KIF1B: variants seen among roughly 807,000 people sequenced by gnomAD.
KIF1B encodes kinesin family member 1B, also known as kinesin-like protein KIF1B.
In KIF1B, 76 loss-of-function variants were observed where a neutral mutation model predicts 241.9. The ratio of observed to expected loss-of-function variants is 0.31; its 90% CI spans 0.26 to 0.38. The LOEUF (loss-of-function observed/expected upper bound fraction) is 0.38, where lower values mean the gene tolerates loss of function less well. Ranked by LOEUF, KIF1B falls within the 10% of genes least tolerant of loss-of-function variation. The pLI, the probability that KIF1B is intolerant of heterozygous loss-of-function variation, is 1.00. For missense variants in KIF1B, 1,622 were observed against 2,271.4 expected (o/e 0.71, Z 5.81); for synonymous variants, 750 against 796.7 (o/e 0.94, Z 0.99).
chr1:10,288,181 A>C (rs1649806239), intron 15 of KIF1B, among the ~76,000 whole-genome samples: 1 of 152,190 alleles, frequency 6.6e-6, no homozygotes, highest in Admixed American at 6.5e-5. Context: ...TTTTTTAAAG[A>C]GGGGCTCACT....
At chr1:10,306,633 AC>A in intron 22 of KIF1B, 1 of 560,124 alleles carries the variant, frequency 1.8e-6, no homozygotes. Flanking sequence ...TTGCATCAGG[AC>A]GGGTGAACCC....
At chr1:10,266,068 G>T (rs924968966) in intron 5 of KIF1B, among the ~76,000 whole-genome samples, 1 of 152,150 alleles carries the variant, frequency 6.6e-6, no homozygotes, top group Non-Finnish European at 1.5e-5. Context: ...GTGGCCTATT[G>T]TGATGAATTT....
chr1:10,328,188 C>T (rs1651792113), intron 27 of KIF1B, among the ~76,000 whole-genome samples: 1 of 152,054 alleles, frequency 6.6e-6, no homozygotes, highest in African/African-American at 2.4e-5. Flanking sequence ...GACCCCAAGT[C>T]TACCAAAAAA....
intron 43 of KIF1B, among the ~76,000 whole-genome samples, chr1:10,367,040 G>A (rs1638596158): frequency 6.6e-6 from 1 of 152,078 alleles, no homozygotes; most frequent in Admixed American, 6.6e-5. Context: ...CACTGAGGAA[G>A]GGAGAATTCT....
chr1:10,263,436 A>G (rs930764933), intron 5 of KIF1B, among the ~76,000 whole-genome samples: 5 of 152,072 alleles, frequency 3.3e-5, no homozygotes, highest in African/African-American at 4.8e-5. Context: ...TCTGTTTTGA[A>G]AAAATAGGCT....
chr1:10,216,895 C>G (rs12032050), intron 1 of KIF1B, among the ~76,000 whole-genome samples: 1 of 145,746 alleles, frequency 6.9e-6, no homozygotes, highest in East Asian at 2.1e-4. Flanking sequence ...TAGCACTGTT[C>G]TAATCTGTAG....
intron 10 of KIF1B, 110 bp from the exon 11 acceptor site, chr1:10,275,318 C>A: frequency 1.4e-6 from 1 of 705,906 alleles, no homozygotes; most frequent in Admixed American, 2.1e-5. Context: ...TCCACAGTGT[C>A]GGGGTTGTAC....
chr1:10,291,223 G>T, intron 16 of KIF1B, 62 bp downstream of exon 16: 2 of 1,127,362 alleles, frequency 1.8e-6, no homozygotes, highest in Non-Finnish European at 2.6e-6. Context: ...TTACTTTATC[G>T]TAAGAAAAGA....
intron 1 of KIF1B, among the ~76,000 whole-genome samples, chr1:10,215,266 T>C (rs1159196588): frequency 1.4e-5 from 2 of 138,584 alleles, no homozygotes; most frequent in African/African-American, 5.4e-5. Context: ...AACCTCCACC[T>C]CCCAGGTTCA....
In KIF1B at chr1:10,380,947, T is replaced by C. The variant is rs1222313755; in HGVS notation, c.*4360T>C. The stretch of plus-strand genomic sequence containing the variant: ...AAAAGGCCATTTATGAAGTTAGTAT[T>C]TGAGCCCCATAAGATCTTTAAAAAG... On this transcript the variant is annotated 3_prime_UTR_variant, in exon 49 of 49. Transcript: ENST00000676179. The C allele has an allele frequency of 9.1e-6, 2 of 220,156 alleles. No homozygotes were observed. The highest frequency in any genetic ancestry group is 1.3e-4 in the East Asian group (2 of 14,914). The allele number at this position is 220,156 out of a possible 1,614,324, so 13.6% of individuals were successfully genotyped here.
chr1:10,275,579 T>A, intron 11 of KIF1B, 76 bp downstream of exon 11: 1 of 877,896 alleles, frequency 1.1e-6, no homozygotes, highest in Non-Finnish European at 2.0e-6. Context: ...CCTGTGTCTG[T>A]TTTGGAGACA....
chr1:10,281,311 G>C (rs1271849134), intron 14 of KIF1B, among the ~76,000 whole-genome samples: 1 of 152,042 alleles, frequency 6.6e-6, no homozygotes, highest in Non-Finnish European at 1.5e-5. Flanking sequence ...TTTACCTTTG[G>C]TATCTTTTTG....
intron 10 of KIF1B, chr1:10,274,978 A>C: frequency 2.9e-6 from 1 of 348,908 alleles, no homozygotes; most frequent in South Asian, 2.2e-5. Flanking sequence ...TTGATGTTTA[A>C]TTTTTTGAAT....
chr1:10,374,989 C>A lies in KIF1B; in HGVS notation c.5232C>A (p.Ile1744=). Residue 1744 remains isoleucine (I), a synonymous_variant, in exon 47 of 49, where the codon ATC becomes ATA. Transcript: ENST00000676179. The surrounding 1 kb of genome is among the most constrained non-coding windows in gnomAD (Gnocchi z 4.3). ...ACAAAGACCCTGTGGAGCGTGGAAT[C>A]ATTAACCTGTCCACAGCACAGGTGG... is the stretch of plus-strand genomic sequence containing the variant. The part of the protein sequence containing the change: ...NSDKDPVERG[I]INLSTAQVEY... 1 of 1,614,156 alleles carries A rather than the reference C, an allele frequency of 6.2e-7. No individual in the cohort carries two copies. Among genetic ancestry groups the A allele is most frequent in the Non-Finnish European group, 8.5e-7 (1 of 1,180,024 alleles).
At position 10,314,704 on chromosome 1, in the gene KIF1B, G is replaced by T. The variant is rs1651226399; in HGVS notation, c.2116-5339G>T. Among the ~76,000 whole-genome samples the T allele has an allele frequency of 1.3e-5, 2 of 151,648 alleles. 1 individual carries two copies. Among genetic ancestry groups the T allele is most frequent in the African/African-American group, 4.9e-5 (2 of 40,922 alleles). On this transcript the variant is annotated intron_variant, in intron 22 of 48. Coordinates refer to ENST00000676179, the MANE Select transcript of KIF1B (RefSeq NM_001365951.3). ...CAGAGTGCTGGGATTACAGGCATGT[G>T]CCACCACACCTGGCCCAGTTAAACT...
At chr1:10,361,327 C>T (rs1353534923) in intron 39 of KIF1B, among the ~76,000 whole-genome samples, 3 of 152,164 alleles carry the variant, frequency 2.0e-5, no homozygotes, top group Non-Finnish European at 2.9e-5. Context: ...AATGTCACCT[C>T]TTGTTTTTGT....
At chr1:10,282,774 G>A (rs1569696613) in intron 15 of KIF1B, among the ~76,000 whole-genome samples, 2 of 151,428 alleles carry the variant, frequency 1.3e-5, no homozygotes, top group African/African-American at 2.5e-5. Flanking sequence ...GCAAGGCAGA[G>A]TAACAGATTA....
chr1:10,215,407 C>CT (rs1646755838), intron 1 of KIF1B, among the ~76,000 whole-genome samples: 2 of 151,420 alleles, frequency 1.3e-5, no homozygotes, highest in African/African-American at 4.9e-5. Context: ...AACTCCCGAC[C>CT]TCAGGTGATC....
chr1:10,254,599 A>C (rs58549151), intron 2 of KIF1B, among the ~76,000 whole-genome samples: 36,050 of 152,034 alleles, frequency 0.24, 4,966 homozygotes, highest in Admixed American at 0.31. Flanking sequence ...TTTCATGGCC[A>C]GGCGCGGTGG....
Sources: gnomAD v4.1 joint callset for allele counts (sites outside exome capture counted in the v4.1 genomes callset) on GRCh38, gnomAD v4.1.1 for gene constraint, Gnocchi (gnomAD v3.1) non-coding constraint, MANE v1.5 for transcripts, NCBI Gene and HGNC (gene_info 2026-07-23, HGNC 2026-07-21) for gene names.